The following BACH2 variants were observed in gnomAD, a reference collection of about 807,000 sequenced individuals.
BACH2 encodes the protein BACH transcriptional regulator 2, also known as transcription regulator protein BACH2.
Under a neutral mutation model 61.8 loss-of-function variants are expected in BACH2, and 5 were observed. That is an observed-to-expected ratio of 0.08 (90% CI 0.04 to 0.17). The LOEUF (loss-of-function observed/expected upper bound fraction) is 0.17. BACH2 is among the 10% of genes least tolerant of loss of function. The probability of loss-of-function intolerance (pLI) is 1.00; values close to 1 mark genes in which losing one functional copy is unlikely to be tolerated. For missense variants in BACH2, 824 were observed against 1,091.1 expected (o/e 0.76, Z 3.45); for synonymous variants, 446 against 440.1 (o/e 1.01, Z -0.17).
At chr6:89,972,109 G>C (rs77117957) in intron 6 of BACH2, among the ~76,000 whole-genome samples, 5,376 of 152,292 alleles carry the variant, frequency 0.035, 321 homozygotes, top group African/African-American at 0.12. Context: ...TGTGGCAGGA[G>C]CAGCAGCTGG....
chr6:90,293,893 G>C (rs770334312), intron 1 of BACH2, among the ~76,000 whole-genome samples: 1 of 152,206 alleles, frequency 6.6e-6, no homozygotes, highest in Non-Finnish European at 1.5e-5. Flanking sequence ...TTACACAGCA[G>C]CCAGAGGTGA....
intron 3 of BACH2, among the ~76,000 whole-genome samples, chr6:90,211,253 CAGAGAT>C (rs1434822111): frequency 6.6e-6 from 1 of 151,506 alleles, no homozygotes; most frequent in Non-Finnish European, 1.5e-5. Flanking sequence ...CAAAGACACT[CAGAGAT>C]AGGTTTGGTA....
intron 4 of BACH2, among the ~76,000 whole-genome samples, chr6:90,098,017 G>C (rs1382352517): frequency 4.6e-5 from 7 of 152,108 alleles, no homozygotes; most frequent in Admixed American, 4.6e-4. Flanking sequence ...TTCTATACTA[G>C]CTGTATCCGC....
At chr6:89,940,109 C>T (rs776739142) in intron 7 of BACH2, among the ~76,000 whole-genome samples, 1 of 152,076 alleles carries the variant, frequency 6.6e-6, no homozygotes, top group Non-Finnish European at 1.5e-5. Flanking sequence ...CTCCCTGGTT[C>T]AAGCGATTCT....
chr6:90,110,529 G>A (rs57858238), intron 4 of BACH2, among the ~76,000 whole-genome samples: 18,954 of 152,020 alleles, frequency 0.12, 2,292 homozygotes, highest in African/African-American at 0.31. Flanking sequence ...CATCAATCTC[G>A]TCAGAAAAAG....
chr6:90,295,362 A>G (rs574758282), intron 1 of BACH2, among the ~76,000 whole-genome samples: 1 of 151,962 alleles, frequency 6.6e-6, no homozygotes, highest in East Asian at 1.9e-4. Context: ...CCCTTCACAC[A>G]CTCACTCCCG....
intron 2 of BACH2, among the ~76,000 whole-genome samples, chr6:90,263,199 C>A (rs974812640): frequency 1.3e-5 from 2 of 152,150 alleles, no homozygotes; most frequent in African/African-American, 4.8e-5. Context: ...TAGGTAAGCA[C>A]AAGAGTTTAC....
intron 6 of BACH2, among the ~76,000 whole-genome samples, chr6:89,974,299 T>A (rs994857947): frequency 2.0e-5 from 3 of 152,152 alleles, no homozygotes; most frequent in African/African-American, 7.2e-5. Context: ...CATATGGAGA[T>A]AATAATGGTA....
chr6:89,947,075 C>T (rs373995230), intron 7 of BACH2, among the ~76,000 whole-genome samples: 9 of 152,094 alleles, frequency 5.9e-5, no homozygotes, highest in East Asian at 3.9e-4. Context: ...AAAACACACG[C>T]GAAGTATTAC....
At chr6:90,128,037 C>A (rs113608460) in intron 4 of BACH2, among the ~76,000 whole-genome samples, 2,786 of 152,212 alleles carry the variant, frequency 0.018, 82 homozygotes, top group African/African-American at 0.064. Flanking sequence ...CTTATGCCCC[C>A]CCATCTCCAT....
intron 3 of BACH2, among the ~76,000 whole-genome samples, chr6:90,251,027 A>C (rs12210177): frequency 0.032 from 4,818 of 152,332 alleles, 144 homozygotes; most frequent in South Asian, 0.11. Flanking sequence ...AGGCCCAAGT[A>C]ATCTGATACC....
At chr6:90,173,673 G>C (rs1187811763) in intron 4 of BACH2, among the ~76,000 whole-genome samples, 1 of 152,132 alleles carries the variant, frequency 6.6e-6, no homozygotes, top group East Asian at 1.9e-4. Context: ...TGCCAGACGT[G>C]AGGGAAGGAA....
chr6:90,011,974 G>GTGTA (rs1422867546), intron 5 of BACH2, among the ~76,000 whole-genome samples: 2,320 of 147,634 alleles, frequency 0.016, 56 homozygotes, highest in African/African-American at 0.056. Context: ...GTGTGTGTGT[G>GTGTA]TATGAGTGAT....
chr6:90,097,776 A>G (rs909806714), intron 4 of BACH2, among the ~76,000 whole-genome samples: 5 of 152,218 alleles, frequency 3.3e-5, no homozygotes, highest in Admixed American at 6.5e-5. Context: ...CATCCAATAC[A>G]TTTTTAAAGT....
chr6:90,290,246 T>TCCCG (rs1772138315), intron 1 of BACH2, among the ~76,000 whole-genome samples: 1 of 152,170 alleles, frequency 6.6e-6, no homozygotes, highest in South Asian at 2.1e-4. Flanking sequence ...TTCCCCAACC[T>TCCCG]CCCGACCAGG....
At chr6:90,167,059 T>C (rs1767649724) in intron 4 of BACH2, among the ~76,000 whole-genome samples, 1 of 152,016 alleles carries the variant, frequency 6.6e-6, no homozygotes, top group Admixed American at 6.6e-5. Context: ...AGTATAATAA[T>C]AATAATAATA....
chr6:90,273,277 G>A (rs1022654382), intron 1 of BACH2, among the ~76,000 whole-genome samples: 2 of 152,026 alleles, frequency 1.3e-5, no homozygotes, highest in East Asian at 1.9e-4. Context: ...AGGATCACTC[G>A]AGCCCAGGAG....
intron 5 of BACH2, among the ~76,000 whole-genome samples, chr6:90,036,335 C>T (rs927109870): frequency 6.6e-6 from 1 of 151,920 alleles, no homozygotes; most frequent in African/African-American, 2.4e-5. Context: ...CAGAAGTAGA[C>T]CCCTAGCAGG....
chr6:90,190,820 C>T (rs948376750), intron 4 of BACH2, among the ~76,000 whole-genome samples: 28 of 152,216 alleles, frequency 1.8e-4, no homozygotes, highest in Non-Finnish European at 1.8e-4. Flanking sequence ...AGACCCCAGA[C>T]CAACGACTCT....
Sources: allele counts gnomAD v4.1 joint callset (sites outside exome capture counted in the v4.1 genomes callset), GRCh38; gene constraint gnomAD v4.1.1; transcripts MANE v1.5; gene names NCBI Gene and HGNC (gene_info 2026-07-23, HGNC 2026-07-21).